The following GUCY1A2 variants were observed in gnomAD, a reference collection of about 807,000 sequenced individuals.
GUCY1A2 encodes the protein guanylate cyclase 1 soluble subunit alpha 2, also known as guanylate cyclase soluble subunit alpha-2.
A neutral mutation model predicts 63.5 loss-of-function variants in GUCY1A2; 27 were observed. That is an observed-to-expected ratio of 0.43 (90% CI 0.31 to 0.59). The LOEUF (loss-of-function observed/expected upper bound fraction) is 0.59. GUCY1A2 is among the 20% of genes least tolerant of loss of function. The probability of loss-of-function intolerance (pLI) is 0.11; values close to 1 mark genes in which losing one functional copy is unlikely to be tolerated. For synonymous variants in GUCY1A2, 364 were observed against 343.5 expected (o/e 1.06, Z -0.66); for missense variants, 768 against 913.3 (o/e 0.84, Z 2.05).
In GUCY1A2 at chr11:106,756,569, T is replaced by C. The variant is rs1863977519; in HGVS notation, c.1836+19870A>G. Among the ~76,000 whole-genome samples, 5 of 152,202 alleles carry C rather than the reference T, an allele frequency of 3.3e-5. 1 individual carries two copies. The highest frequency in any genetic ancestry group is 7.3e-5 in the Non-Finnish European group (5 of 68,038). On this transcript the variant is annotated intron_variant, in intron 6 of 7. Transcript: ENST00000526355. ...GGTGACAAAATCTCTCAGCATTTGC[T>C]TGTCTGTAAAGGATTTTATTTCTCC...
Position 107,017,977 on chromosome 11 carries a change from C to G in GUCY1A2, c.79G>C (p.Gly27Arg). 1.4e-6 allele frequency: 2 copies of G among 1,451,134 alleles called. No individual in the cohort carries two copies. The highest frequency in any genetic ancestry group is 1.8e-6 in the Non-Finnish European group (2 of 1,089,828). 89.9% of individuals were successfully genotyped at this position (1,451,134 alleles called of 1,614,324 possible). Residue 27 changes from glycine to arginine, a missense_variant, in exon 1 of 8, where the codon GGG becomes CGG. Gly to Arg is a moderately radical substitution (Grantham distance 125, BLOSUM62 -2). Transcript: ENST00000526355. Reference sequence around the variant, plus strand: ...CAGAGCCTAGACAGGGGGCACTCCCCCTCCTCCTCCGGGCTGGTCTCCAGG... The same window carrying G: ...CAGAGCCTAGACAGGGGGCACTCCCGCTCCTCCTCCGGGCTGGTCTCCAGG... ...DYLETSPEEEGECPLSRLCWN... is the reference protein window; with the variant it reads ...DYLETSPEEERECPLSRLCWN...
At chr11:106,943,560 C>G (rs1005362497) in intron 3 of GUCY1A2, among the ~76,000 whole-genome samples, 1 of 152,212 alleles carries the variant, frequency 6.6e-6, no homozygotes, top group Non-Finnish European at 1.5e-5. Flanking sequence ...CTATCCCACC[C>G]CACCTCAGAT....
intron 1 of GUCY1A2, among the ~76,000 whole-genome samples, chr11:106,989,962 G>A (rs976421944): frequency 1.3e-5 from 2 of 152,176 alleles, no homozygotes; most frequent in African/African-American, 4.8e-5. Context: ...CAAAGAATGT[G>A]CAACAGGATT....
In GUCY1A2 at chr11:106,940,117, A is replaced by C; in HGVS notation, c.549T>G (p.His183Gln). 6.2e-7 allele frequency: 1 copy of C among 1,612,548 alleles called. No individual in the cohort carries two copies. The highest frequency in any genetic ancestry group is 8.5e-7 in the Non-Finnish European group (1 of 1,178,828). Residue 183 changes from histidine to glutamine, a missense_variant, in exon 4 of 8, where the codon CAT (histidine) becomes CAG (glutamine). Around this residue, in one of 3 missense-constraint regions of GUCY1A2, gnomAD observed 496 missense variants for 486.9 expected, o/e 1.02. Transcript: ENST00000526355. ...CAGCTCGAAGGACTCTCTCATTCTC[A>C]TGAAAGCATATATTAAAGAACTCTT... The part of the protein sequence containing the change: ...FGEEFFNICF[H>Q]ENERVLRAVG...
chr11:106,821,912 A>C (rs1240944638), intron 4 of GUCY1A2, among the ~76,000 whole-genome samples: 1 of 152,184 alleles, frequency 6.6e-6, no homozygotes, highest in African/African-American at 2.4e-5. Context: ...TCTGTGGATT[A>C]AGGGTGAGGA....
intron 1 of GUCY1A2, among the ~76,000 whole-genome samples, chr11:107,003,402 C>A (rs1217987045): frequency 6.6e-6 from 1 of 152,150 alleles, no homozygotes; most frequent in Non-Finnish European, 1.5e-5. Flanking sequence ...AAAATCCTGT[C>A]ACCTATATTC....
chr11:106,783,821 C>T (rs948544101), intron 5 of GUCY1A2, among the ~76,000 whole-genome samples: 5 of 152,284 alleles, frequency 3.3e-5, no homozygotes, highest in Middle Eastern at 3.4e-3. Flanking sequence ...TTGGCCCCTA[C>T]GCATGACCTT....
At chr11:106,861,369 G>A (rs1433571698) in intron 4 of GUCY1A2, among the ~76,000 whole-genome samples, 1 of 152,002 alleles carries the variant, frequency 6.6e-6, no homozygotes, top group Non-Finnish European at 1.5e-5. Context: ...GTAGTCTGTT[G>A]TGTGTACTCA....
chr11:107,012,510 A>G (rs1045106858), intron 1 of GUCY1A2, among the ~76,000 whole-genome samples: 2 of 152,288 alleles, frequency 1.3e-5, no homozygotes, highest in East Asian at 3.9e-4. Context: ...CCTAATTCAC[A>G]AAAGAGGAAA....
rs775234461 is a variant in GUCY1A2, at chr11:106,683,444, C to T, written c.*4105G>A. The T allele has an allele frequency of 4.4e-6, 1 of 226,106 alleles. No homozygotes were observed. The highest frequency in any genetic ancestry group is 5.7e-5 in the Admixed American group (1 of 17,502). 14.0% of individuals were successfully genotyped at this position (226,106 alleles called of 1,614,324 possible). A position where few individuals can be genotyped will look rare whatever the true frequency, so the allele number is the denominator to read the frequency against. ...GTCAGACTGTGTTTTGAAGAAAGAG[C>T]AGAGGGTGAAGCTGCAGATATAATC... On this transcript the variant is annotated 3_prime_UTR_variant, in exon 8 of 8. Transcript: ENST00000526355.
At position 106,936,699 on chromosome 11, in the gene GUCY1A2, G is replaced by A. The variant is rs1174762444; in HGVS notation, c.1206+2761C>T. 18 of 1,522,194 alleles carry A rather than the reference G, an allele frequency of 1.2e-5. No homozygotes were observed. In the East Asian group the frequency reaches 4.4e-4, roughly 37 times the overall value. 94.3% of individuals were successfully genotyped at this position (1,522,194 alleles called of 1,614,324 possible). ...TGATAACTGCGTCAGATGCCCCTCG[G>A]TGACATGCTTGCTCTTGATTTTTTT... On this transcript the variant is annotated intron_variant, in intron 4 of 7. Transcript: ENST00000526355.
intron 3 of GUCY1A2, among the ~76,000 whole-genome samples, chr11:106,968,781 A>G (rs920680562): frequency 1.3e-3 from 2 of 1,596 alleles, no homozygotes; most frequent in African/African-American, 7.9e-3. Flanking sequence ...GATCCTATCT[A>G]CAACTTCTTT....
At position 106,872,170 on chromosome 11, in the gene GUCY1A2, G is replaced by T. The variant is rs373715288; in HGVS notation, c.1207-61692C>A. ...AATTAACTATAATTAAATTGAACAA[G>T]AATAAATGTAAAACCTTGTAACATA... On this transcript the variant is annotated intron_variant, in intron 4 of 7. Coordinates refer to ENST00000526355, the MANE Select transcript of GUCY1A2 (RefSeq NM_000855.3). Among the ~76,000 whole-genome samples the T allele has an allele frequency of 3.3e-5, 5 of 152,086 alleles. No homozygotes were observed. In the South Asian group the frequency reaches 6.2e-4, roughly 19 times the overall value.
At chr11:106,971,124 A>G (rs1861188195) in intron 3 of GUCY1A2, among the ~76,000 whole-genome samples, 1 of 152,046 alleles carries the variant, frequency 6.6e-6, no homozygotes, top group Non-Finnish European at 1.5e-5. Flanking sequence ...AGTATTTGGT[A>G]TGATGTTATA....
intron 4 of GUCY1A2, among the ~76,000 whole-genome samples, chr11:106,840,562 G>A (rs552957513): frequency 2.8e-4 from 42 of 152,044 alleles, no homozygotes; most frequent in African/African-American, 1.0e-3. Context: ...GAAAGTAAGT[G>A]CTATTGCTGA....
At chr11:106,778,044 C>G (rs1213556058) in intron 5 of GUCY1A2, among the ~76,000 whole-genome samples, 1 of 152,060 alleles carries the variant, frequency 6.6e-6, no homozygotes, top group Non-Finnish European at 1.5e-5. Flanking sequence ...CCCAAATTTC[C>G]AAAGCATAGA....
At chr11:107,014,562 T>C (rs760811442) in intron 1 of GUCY1A2, among the ~76,000 whole-genome samples, 4 of 152,226 alleles carry the variant, frequency 2.6e-5, no homozygotes, top group Non-Finnish European at 5.9e-5. Flanking sequence ...CTTACTCTTA[T>C]TAAATAGTAT....
intron 6 of GUCY1A2, among the ~76,000 whole-genome samples, chr11:106,745,996 G>A (rs891121324): frequency 7.9e-5 from 12 of 152,074 alleles, no homozygotes; most frequent in Non-Finnish European, 4.4e-5. Context: ...AACAAATGGC[G>A]AATTTCCATC....
At chr11:106,795,911 T>TA (rs200646945) in intron 5 of GUCY1A2, among the ~76,000 whole-genome samples, 4,835 of 152,232 alleles carry the variant, frequency 0.032, 259 homozygotes, top group African/African-American at 0.11. Context: ...AGTGGGGTGT[T>TA]AAAATCTCCC....
Sources: allele counts gnomAD v4.1 joint callset (sites outside exome capture counted in the v4.1 genomes callset), GRCh38; gene constraint gnomAD v4.1.1; regional missense constraint gnomAD v4.1.1; transcripts MANE v1.5; gene names NCBI Gene and HGNC (gene_info 2026-07-23, HGNC 2026-07-21).